Variants in LRP1B observed in about 807,000 individuals in gnomAD.
LRP1B encodes LDL receptor related protein 1B, also known as low-density lipoprotein receptor-related protein 1B.
LRP1B carries 217 observed loss-of-function variants against 556.6 expected under a neutral mutation model. That is an observed-to-expected ratio of 0.39 (90% confidence interval 0.35 to 0.44). The LOEUF is 0.44. Ranked by LOEUF, LRP1B falls within the 20% of genes least tolerant of loss-of-function variation. The pLI is 1.00. For missense variants in LRP1B, 5,053 were observed against 5,620.8 expected (o/e 0.90, Z 3.23); for synonymous variants, 2,047 against 1,865.8 (o/e 1.10, Z -2.50).
intron 1 of LRP1B, among the ~76,000 whole-genome samples, chr2:141,922,169 A>G (rs752670280): frequency 6.6e-6 from 1 of 152,198 alleles, no homozygotes; most frequent in African/African-American, 2.4e-5. Flanking sequence ...TTGTAAAAAC[A>G]TATTAGGCAT....
intron 31 of LRP1B, among the ~76,000 whole-genome samples, chr2:140,834,179 T>G (rs1404612724): frequency 6.6e-6 from 1 of 152,194 alleles, no homozygotes; most frequent in Non-Finnish European, 1.5e-5. Context: ...TAACCATACC[T>G]TCATTTGAAA....
At chr2:141,146,808 G>A (rs1228289631) in intron 7 of LRP1B, among the ~76,000 whole-genome samples, 1 of 152,060 alleles carries the variant, frequency 6.6e-6, no homozygotes, top group African/African-American at 2.4e-5. Context: ...TACTTTAAGA[G>A]GACTGGGATT....
At chr2:141,534,224 T>G (rs774257165) in intron 2 of LRP1B, among the ~76,000 whole-genome samples, 23 of 152,156 alleles carry the variant, frequency 1.5e-4, no homozygotes, top group Non-Finnish European at 3.2e-4. Context: ...AGTGTTCAGA[T>G]GAGGACTGAC....
At chr2:140,246,467 C>T (rs1297844896) in intron 87 of LRP1B, among the ~76,000 whole-genome samples, 3 of 150,992 alleles carry the variant, frequency 2.0e-5, no homozygotes, top group Non-Finnish European at 3.0e-5. Context: ...AGACACACAA[C>T]GATGATATAG....
At chr2:141,239,402 A>G (rs1336358910) in intron 5 of LRP1B, among the ~76,000 whole-genome samples, 1 of 152,134 alleles carries the variant, frequency 6.6e-6, no homozygotes, top group Non-Finnish European at 1.5e-5. Context: ...CTATGCAGGA[A>G]AAAGAAAAAT....
intron 3 of LRP1B, among the ~76,000 whole-genome samples, chr2:141,386,757 T>C (rs1689847297): frequency 6.6e-6 from 1 of 152,000 alleles, no homozygotes; most frequent in African/African-American, 2.4e-5. Context: ...AAAAAGATAG[T>C]TCTACAATAA....
At chr2:141,600,074 G>A (rs1038542214) in intron 2 of LRP1B, among the ~76,000 whole-genome samples, 5 of 152,032 alleles carry the variant, frequency 3.3e-5, no homozygotes, top group Non-Finnish European at 2.9e-5. Flanking sequence ...CATTCAGTAC[G>A]CTGATCAACA....
At chr2:140,406,068 TAAAC>T (rs1016173813) in intron 66 of LRP1B, among the ~76,000 whole-genome samples, 14 of 152,220 alleles carry the variant, frequency 9.2e-5, no homozygotes, top group African/African-American at 2.6e-4. Context: ...ATACTTCACA[TAAAC>T]AAAATTAAAA....
Position 140,723,075 on chromosome 2 carries a change from T to C in LRP1B, c.5759-6259A>G, listed in dbSNP as rs1009233282. 7.9e-5 allele frequency among the ~76,000 whole-genome samples: 12 copies of C among 152,178 alleles called. No homozygotes were observed. In the East Asian group the frequency reaches 2.1e-3, roughly 27 times the overall value. On this transcript the variant is annotated intron_variant, in intron 35 of 90. Coordinates refer to ENST00000389484, the MANE Select transcript of LRP1B (RefSeq NM_018557.3). ...AAATAAATAAAATGAAATAAAATAG[T>C]AAAGGGAAGTTTATCATTTCATCTT...
intron 83 of LRP1B, among the ~76,000 whole-genome samples, chr2:140,306,274 G>C (rs1187625797): frequency 6.6e-6 from 1 of 151,876 alleles, no homozygotes; most frequent in Non-Finnish European, 1.5e-5. Context: ...CTGTGAATCT[G>C]TCTGGTCCTG....
chr2:140,502,943 T>C lies in LRP1B; in HGVS notation c.8662+20A>G, dbSNP rs1425215170. On this transcript the variant is annotated intron_variant, in intron 54 of 90. Coordinates refer to ENST00000389484, the MANE Select transcript of LRP1B (RefSeq NM_018557.3). ...TGAAAACACTTTAGAGTAAATGCGG[T>C]ATTGTATATATTTCTGTACCTGCAC... is the stretch of plus-strand genomic sequence containing the variant. 2 of 1,611,086 alleles carry C rather than the reference T, an allele frequency of 1.2e-6. No homozygotes were observed. Among genetic ancestry groups the C allele is most frequent in the African/African-American group, 1.3e-5 (1 of 74,802 alleles).
At chr2:140,542,718 A>G (rs1446168093) in intron 43 of LRP1B, among the ~76,000 whole-genome samples, 1 of 152,148 alleles carries the variant, frequency 6.6e-6, no homozygotes, top group Non-Finnish European at 1.5e-5. Context: ...AGAGAACTCC[A>G]TGAATAAAAG....
intron 2 of LRP1B, among the ~76,000 whole-genome samples, chr2:141,757,088 T>G (rs13415720): frequency 0.28 from 42,892 of 152,000 alleles, 6,227 homozygotes; most frequent in Non-Finnish European, 0.31. Flanking sequence ...TTTCTAGCCT[T>G]GATTTTATAA....
At chr2:140,278,129 C>T (rs957901801) in intron 84 of LRP1B, among the ~76,000 whole-genome samples, 1 of 151,472 alleles carries the variant, frequency 6.6e-6, no homozygotes, top group Non-Finnish European at 1.5e-5. Flanking sequence ...AATATGTATA[C>T]TACATTTTTA....
At chr2:141,790,291 C>A (rs949811997) in intron 2 of LRP1B, among the ~76,000 whole-genome samples, 3 of 150,964 alleles carry the variant, frequency 2.0e-5, no homozygotes, top group Non-Finnish European at 3.0e-5. Flanking sequence ...CTACAATATA[C>A]ATTCTTAGAT....
intron 32 of LRP1B, among the ~76,000 whole-genome samples, chr2:140,791,761 C>T (rs1690128082): frequency 6.6e-6 from 1 of 152,144 alleles, no homozygotes; most frequent in South Asian, 2.1e-4. Flanking sequence ...TACCAGATTG[C>T]CTTGTATCAG....
At chr2:140,243,396 G>A (rs72910105) in intron 87 of LRP1B, among the ~76,000 whole-genome samples, 6,967 of 151,010 alleles carry the variant, frequency 0.046, 182 homozygotes, top group Middle Eastern at 0.068. Context: ...AACCAGAAGT[G>A]TTCACTATCA....
intron 1 of LRP1B, among the ~76,000 whole-genome samples, chr2:141,965,969 CACTG>C (rs994161738): frequency 8.6e-5 from 13 of 151,680 alleles, no homozygotes; most frequent in Non-Finnish European, 1.5e-4. Flanking sequence ...ATTGTCTCAT[CACTG>C]ACTAATTCCA....
intron 2 of LRP1B, among the ~76,000 whole-genome samples, chr2:141,711,123 C>T (rs1692340131): frequency 6.6e-6 from 1 of 152,078 alleles, no homozygotes; most frequent in South Asian, 2.1e-4. Context: ...TTTACTTTCT[C>T]TTATTTAGTC....
Sources: allele counts gnomAD v4.1 joint callset (sites outside exome capture counted in the v4.1 genomes callset), GRCh38; gene constraint gnomAD v4.1.1; transcripts MANE v1.5; gene names NCBI Gene and HGNC (gene_info 2026-07-23, HGNC 2026-07-21).